MOBP: variants seen among roughly 807,000 people sequenced by gnomAD.
MOBP encodes the protein myelin-associated oligodendrocyte basic protein.
In MOBP, 5 loss-of-function variants were observed where a neutral mutation model predicts 15.0. The ratio of observed to expected loss-of-function variants is 0.33; its 90% CI spans 0.17 to 0.70. The LOEUF is 0.70. Ranked by LOEUF, MOBP falls within the 30% of genes least tolerant of loss-of-function variation. The pLI, the probability that MOBP is intolerant of heterozygous loss-of-function variation, is 0.67. For synonymous variants in MOBP, 88 were observed against 99.0 expected (o/e 0.89, Z 0.66); for missense variants, 188 against 257.8 (o/e 0.73, Z 1.85).
At chr3:39,489,426 A>C (rs1248199437) in intron 2 of MOBP, among the ~76,000 whole-genome samples, 3 of 152,056 alleles carry the variant, frequency 2.0e-5, no homozygotes, top group Non-Finnish European at 2.9e-5. Context: ...GTACTCAATA[A>C]ATCTTCAAAT....
chr3:39,490,332 A>C (rs999855753), intron 2 of MOBP, among the ~76,000 whole-genome samples: 3 of 152,348 alleles, frequency 2.0e-5, no homozygotes, highest in African/African-American at 7.2e-5. Flanking sequence ...TGAAAGGTTA[A>C]AAGATTTTAT....
chr3:39,484,143 T>G (rs1247119858), intron 2 of MOBP, among the ~76,000 whole-genome samples: 1 of 152,240 alleles, frequency 6.6e-6, no homozygotes, highest in Non-Finnish European at 1.5e-5. Context: ...CAAATCTTTT[T>G]GGGGGATCAA....
At chr3:39,489,321 G>A (rs2042760350) in intron 2 of MOBP, among the ~76,000 whole-genome samples, 1 of 152,084 alleles carries the variant, frequency 6.6e-6, no homozygotes, top group Admixed American at 6.5e-5. Context: ...ACTACTCATG[G>A]GGTAAGAGAT....
chr3:39,469,177 CATGTGTGTGTGTGTATAT>C (rs1559412261), intron 1 of MOBP, among the ~76,000 whole-genome samples: 4 of 76,838 alleles, frequency 5.2e-5, no homozygotes, highest in African/African-American at 2.8e-4. Flanking sequence ...TACATATATA[CATGTGTGTGTGTGTATAT>C]ACATATATAC....
chr3:39,516,554 G>T (rs931719917), downstream of MOBP, among the ~76,000 whole-genome samples: 1 of 152,170 alleles, frequency 6.6e-6, no homozygotes, highest in African/African-American at 2.4e-5. Context: ...CACAATGTGG[G>T]TGATGGTGTT....
At chr3:39,509,733 C>T (rs1424264938) in intron 4 of MOBP, among the ~76,000 whole-genome samples, 1 of 152,084 alleles carries the variant, frequency 6.6e-6, no homozygotes, top group African/African-American at 2.4e-5. Flanking sequence ...ATTTTACTAT[C>T]ACACTGGTCT....
At chr3:39,521,373 T>C (rs2043264610) in intron 3 of MOBP, among the ~76,000 whole-genome samples, 1 of 152,210 alleles carries the variant, frequency 6.6e-6, no homozygotes, top group Non-Finnish European at 1.5e-5. Flanking sequence ...CAGGACATTT[T>C]TTATACAGGG....
downstream of MOBP, among the ~76,000 whole-genome samples, chr3:39,516,706 A>T (rs770664866): frequency 6.6e-6 from 1 of 152,218 alleles, no homozygotes. Flanking sequence ...ACATTTTGCC[A>T]CTACAGTTTT....
downstream of MOBP, among the ~76,000 whole-genome samples, chr3:39,518,760 TAATTC>T (rs1243200187): frequency 6.6e-6 from 1 of 152,218 alleles, no homozygotes; most frequent in African/African-American, 2.4e-5. Context: ...TTCTGACTAT[TAATTC>T]AATCATGTTT....
chr3:39,494,142 A>G (rs901690713), intron 2 of MOBP, among the ~76,000 whole-genome samples: 6 of 152,234 alleles, frequency 3.9e-5, no homozygotes, highest in African/African-American at 1.4e-4. Flanking sequence ...TACTAGTCCT[A>G]TTAACCATTA....
intron 2 of MOBP, among the ~76,000 whole-genome samples, chr3:39,494,199 A>G (rs1162741714): frequency 2.0e-5 from 3 of 152,210 alleles, no homozygotes; most frequent in Non-Finnish European, 4.4e-5. Flanking sequence ...TGGGGATTTC[A>G]CTTAAATTCT....
chr3:39,472,633 T>C (rs983095611), intron 1 of MOBP, among the ~76,000 whole-genome samples: 7 of 152,120 alleles, frequency 4.6e-5, no homozygotes, highest in Non-Finnish European at 2.9e-5. Flanking sequence ...GCCAAAAAAT[T>C]GGGCGCCACT....
chr3:39,495,316 TGAA>T (rs779722684), intron 2 of MOBP, among the ~76,000 whole-genome samples: 52 of 82,134 alleles, frequency 6.3e-4, no homozygotes, highest in Non-Finnish European at 9.6e-4. Flanking sequence ...ACTGATGAAT[TGAA>T]GAAGAACTCA....
At chr3:39,510,388 C>G (rs936156084) in intron 4 of MOBP, among the ~76,000 whole-genome samples, 1 of 152,052 alleles carries the variant, frequency 6.6e-6, no homozygotes, top group Non-Finnish European at 1.5e-5. Context: ...TTGAAAGGAG[C>G]TGTGTTGACC....
chr3:39,481,189 G>C (rs2042623360), intron 2 of MOBP, among the ~76,000 whole-genome samples: 1 of 152,178 alleles, frequency 6.6e-6, no homozygotes, highest in Non-Finnish European at 1.5e-5. Flanking sequence ...ACAGAGTGGA[G>C]CAGATTTGTA....
chr3:39,481,152 C>T (rs970422804), intron 2 of MOBP, among the ~76,000 whole-genome samples: 3 of 152,198 alleles, frequency 2.0e-5, no homozygotes. Flanking sequence ...TGTCTACACC[C>T]AGGCTGCTAA....
downstream of MOBP, among the ~76,000 whole-genome samples, chr3:39,518,551 T>C (rs1464086295): frequency 6.6e-6 from 1 of 152,164 alleles, no homozygotes; most frequent in Non-Finnish European, 1.5e-5. Context: ...CTTGGGCCAT[T>C]CTCTATTAAT....
downstream of MOBP, chr3:39,527,751 G>A (rs926710898): frequency 6.6e-6 from 1 of 152,388 alleles, no homozygotes; most frequent in South Asian, 2.1e-4. Flanking sequence ...GAGCCACCGC[G>A]CCCGGCCTGT....
intron 2 of MOBP, among the ~76,000 whole-genome samples, chr3:39,493,307 A>T (rs1164469508): frequency 6.6e-6 from 1 of 152,208 alleles, no homozygotes; most frequent in Non-Finnish European, 1.5e-5. Context: ...AGGACGTGTA[A>T]TGAAATGTGT....
Sources: gnomAD v4.1 joint callset for allele counts (sites outside exome capture counted in the v4.1 genomes callset) on GRCh38, gnomAD v4.1.1 for gene constraint, MANE v1.5 for transcripts, NCBI Gene and HGNC (gene_info 2026-07-23, HGNC 2026-07-21) for gene names.